Variants in PPFIA4 observed in about 807,000 individuals in gnomAD.
PPFIA4 encodes liprin-alpha-4.
Under a neutral mutation model 145.7 loss-of-function variants are expected in PPFIA4, and 98 were observed. That is an observed-to-expected ratio of 0.67 (90% CI 0.57 to 0.80). The LOEUF (loss-of-function observed/expected upper bound fraction) is 0.80. Ranked by LOEUF, PPFIA4 falls within the 30% of genes least tolerant of loss-of-function variation. The probability of loss-of-function intolerance (pLI) is 0.00; values close to 1 mark genes in which losing one functional copy is unlikely to be tolerated. For missense variants in PPFIA4, 1,457 were observed against 1,632.7 expected (o/e 0.89, Z 1.85); for synonymous variants, 628 against 649.6 (o/e 0.97, Z 0.51).
intron 1 of PPFIA4, among the ~76,000 whole-genome samples, chr1:203,033,465 C>T (rs557769253): frequency 7.1e-4 from 108 of 152,168 alleles, no homozygotes; most frequent in Non-Finnish European, 1.5e-3. Context: ...GAACACTTAC[C>T]GAGTTTTGCT....
chr1:203,044,144 CCTCCCATGTA>C (rs1275871408), intron 4 of PPFIA4, 49 bp downstream of exon 4: 2 of 1,518,212 alleles, frequency 1.3e-6, no homozygotes, highest in Admixed American at 4.0e-5. Flanking sequence ...TGCCCTGGAG[CCTCCCATGTA>C]TCCCTTCTCT....
intron 1 of PPFIA4, among the ~76,000 whole-genome samples, chr1:203,029,683 G>T (rs1279079096): frequency 6.6e-6 from 1 of 152,230 alleles, no homozygotes; most frequent in East Asian, 1.9e-4. Context: ...TATTTAACCT[G>T]GAGCAGCGAA....
In PPFIA4 at chr1:203,048,392, G is replaced by A. The variant is rs1313411431; in HGVS notation, c.1224+82G>A. ...GGGCGGTCTGTGGAAGGGGCACGGA[G>A]GAAGGGCCTGGCCAGGGACACAGCC... is the stretch of plus-strand genomic sequence containing the variant. On this transcript the variant is annotated intron_variant, in intron 10 of 29. Coordinates refer to ENST00000295706, the MANE Select transcript of PPFIA4 (RefSeq NM_001304331.2). This position sits in a 1 kb window ranked among gnomAD's most constrained non-coding sequence, Gnocchi z 5.8. 8 of 1,522,538 alleles carry A rather than the reference G, an allele frequency of 5.3e-6. No individual in the cohort carries two copies. The highest frequency in any genetic ancestry group is 6.3e-6 in the Non-Finnish European group (7 of 1,116,746). The allele number at this position is 1,522,538 out of a possible 1,614,324, so 94.3% of individuals were successfully genotyped here.
At chr1:203,061,711 C>G (rs771372901) in intron 24 of PPFIA4, 33 bp downstream of exon 24, 1 of 1,552,712 alleles carries the variant, frequency 6.4e-7, no homozygotes, top group South Asian at 1.2e-5. Flanking sequence ...GAACCAGCTC[C>G]CAAAACTTCA....
intron 24 of PPFIA4, chr1:203,063,541 T>G: frequency 3.0e-6 from 1 of 332,738 alleles, no homozygotes; most frequent in South Asian, 3.0e-5. Context: ...ACAGGAAGGA[T>G]TTCATATTAG....
chr1:203,053,497 C>A (rs1185965243), intron 14 of PPFIA4, among the ~76,000 whole-genome samples: 1 of 149,440 alleles, frequency 6.7e-6, no homozygotes, highest in African/African-American at 2.5e-5. Context: ...CACGCCACTG[C>A]CCTCCAGCCT....
intron 12 of PPFIA4, 100 bp downstream of exon 12, chr1:203,049,080 GT>G: frequency 8.7e-7 from 1 of 1,148,368 alleles, no homozygotes; most frequent in Non-Finnish European, 1.2e-6. Flanking sequence ...ACCTGGCAGT[GT>G]TAGTGCATAT....
chr1:203,042,323 T>C (rs1659750284), intron 2 of PPFIA4, among the ~76,000 whole-genome samples: 1 of 152,196 alleles, frequency 6.6e-6, no homozygotes, highest in Non-Finnish European at 1.5e-5. Context: ...TCTGAAGTTA[T>C]CTGGGCCTGA....
chr1:203,061,065 C>T (rs1427979176), intron 23 of PPFIA4, 33 bp downstream of exon 23: 9 of 1,606,650 alleles, frequency 5.6e-6, no homozygotes, highest in South Asian at 1.1e-5. Flanking sequence ...GTCCCTGGGC[C>T]TGGGGTTGGG....
chr1:203,073,588 C>T (rs1285484456), intron 28 of PPFIA4, among the ~76,000 whole-genome samples: 2 of 152,122 alleles, frequency 1.3e-5, no homozygotes, highest in Non-Finnish European at 2.9e-5. Context: ...TGAGTTGTCT[C>T]TTGCAACCAC....
chr1:203,057,946 T>C (rs1435644214), intron 19 of PPFIA4, among the ~76,000 whole-genome samples: 2 of 152,006 alleles, frequency 1.3e-5, no homozygotes, highest in African/African-American at 2.4e-5. Context: ...TATGTACTTA[T>C]GCATATTCTG....
intron 28 of PPFIA4, among the ~76,000 whole-genome samples, chr1:203,072,309 T>C (rs1662227855): frequency 6.6e-6 from 1 of 152,144 alleles, no homozygotes; most frequent in Non-Finnish European, 1.5e-5. Flanking sequence ...ATCCCAGCTT[T>C]CTCTAGTTTC....
chr1:203,053,465 G>A (rs945345360), intron 14 of PPFIA4, among the ~76,000 whole-genome samples: 15 of 150,166 alleles, frequency 1.0e-4, no homozygotes, highest in African/African-American at 2.9e-4. Context: ...CCTGGGAGGC[G>A]GAGGTTGCAG....
chr1:203,048,413 C>A lies in PPFIA4; in HGVS notation c.1224+103C>A. The A allele has an allele frequency of 6.7e-7, 1 of 1,483,738 alleles. No homozygotes were observed. Among genetic ancestry groups the A allele is most frequent in the Non-Finnish European group, 9.2e-7 (1 of 1,085,796 alleles). 91.9% of individuals were successfully genotyped at this position (1,483,738 alleles called of 1,614,324 possible). Reference sequence around the variant, plus strand: ...CGGAGGAAGGGCCTGGCCAGGGACACAGCCACAGAGAGTGGGAGGAGGCTG... The same window carrying A: ...CGGAGGAAGGGCCTGGCCAGGGACAAAGCCACAGAGAGTGGGAGGAGGCTG... On this transcript the variant is annotated intron_variant, in intron 10 of 29. Transcript: ENST00000295706. This position sits in a 1 kb window ranked among gnomAD's most constrained non-coding sequence, Gnocchi z 5.8.
chr1:203,052,562 C>T (rs4950875), intron 14 of PPFIA4, among the ~76,000 whole-genome samples: 119,493 of 152,064 alleles, frequency 0.79, 47,788 homozygotes, highest in African/African-American at 0.95. Flanking sequence ...ATCCTCAGTC[C>T]GATGGGGGAG....
At position 203,043,611 on chromosome 1, in the gene PPFIA4, C is replaced by T. The variant is rs779127967; in HGVS notation, c.336+113C>T. The T allele has an allele frequency of 2.7e-4, 264 of 976,818 alleles. No individual in the cohort carries two copies. Among genetic ancestry groups the T allele is most frequent in the Non-Finnish European group, 3.7e-4 (240 of 640,536 alleles). The allele number at this position is 976,818 out of a possible 1,614,324, so 60.5% of individuals were successfully genotyped here. A position where few individuals can be genotyped will look rare whatever the true frequency, so the allele number is the denominator to read the frequency against. On this transcript the variant is annotated intron_variant, in intron 3 of 29. Coordinates refer to ENST00000295706, the MANE Select transcript of PPFIA4 (RefSeq NM_001304331.2). This position sits in a 1 kb window ranked among gnomAD's most constrained non-coding sequence, Gnocchi z 4.4. ...AGGCAAGAGTGGGGCCAGGCACAGT[C>T]CTAGCTCAAGCCCCATCCTTCCCTC... is the stretch of plus-strand genomic sequence containing the variant.
intron 19 of PPFIA4, 39 bp downstream of exon 19, chr1:203,056,989 T>G: frequency 6.2e-7 from 1 of 1,608,556 alleles, no homozygotes; most frequent in Non-Finnish European, 8.5e-7. Flanking sequence ...GGGCGGGCAT[T>G]GGGGCATCAG....
intron 17 of PPFIA4, 31 bp from the exon 18 acceptor site, chr1:203,056,344 C>T: frequency 6.2e-7 from 1 of 1,611,290 alleles, no homozygotes; most frequent in Non-Finnish European, 8.5e-7. Context: ...ATCTCTCCCT[C>T]TATCCCCTGA....
At chr1:203,035,240 G>A (rs888532830) in intron 1 of PPFIA4, 15 of 455,250 alleles carry the variant, frequency 3.3e-5, no homozygotes, top group East Asian at 1.4e-4. Flanking sequence ...CGCTCCTAGC[G>A]GCCCTGCCCC....
Sources: gnomAD v4.1 joint callset for allele counts (sites outside exome capture counted in the v4.1 genomes callset) on GRCh38, gnomAD v4.1.1 for gene constraint, Gnocchi (gnomAD v3.1) non-coding constraint, MANE v1.5 for transcripts, NCBI Gene and HGNC (gene_info 2026-07-23, HGNC 2026-07-21) for gene names.